The following RNF150 variants were observed in gnomAD, a reference collection of about 807,000 sequenced individuals.
RNF150 encodes ring finger protein 150.
A neutral mutation model predicts 39.3 loss-of-function variants in RNF150; 24 were observed. The ratio of observed to expected loss-of-function variants is 0.61; its 90% CI spans 0.44 to 0.86. RNF150 has a LOEUF of 0.86. RNF150 is among the 40% of genes least tolerant of loss of function. The pLI is 0.00. For synonymous variants in RNF150, 255 were observed against 227.3 expected, an observed-to-expected ratio of 1.12 and a Z score of -1.10; for missense variants, 502 against 587.8, an observed-to-expected ratio of 0.85 and a Z score of 1.51.
At chr4:141,004,844 A>G (rs146593783) in intron 1 of RNF150, among the ~76,000 whole-genome samples, 354 of 152,318 alleles carry the variant, frequency 2.3e-3, no homozygotes, top group African/African-American at 8.1e-3. Flanking sequence ...TCTACTCTGT[A>G]CATGTCTCCA....
chr4:140,924,219 T>C (rs1269668905), intron 5 of RNF150, among the ~76,000 whole-genome samples: 2 of 152,218 alleles, frequency 1.3e-5, no homozygotes, highest in African/African-American at 4.8e-5. Flanking sequence ...TTGTTAGGCA[T>C]CAAACCATGG....
intron 1 of RNF150, among the ~76,000 whole-genome samples, chr4:141,110,611 C>T (rs1401479302): frequency 2.1e-5 from 3 of 140,878 alleles, no homozygotes; most frequent in African/African-American, 3.1e-5. Context: ...AGGGGTCTTG[C>T]TATGTTGACC....
chr4:141,174,608 C>T (rs1212280802), intron 1 of RNF150, among the ~76,000 whole-genome samples: 3 of 152,180 alleles, frequency 2.0e-5, no homozygotes, highest in African/African-American at 7.2e-5. Context: ...CTAGAAAGTT[C>T]ATGAGCCTTA....
intron 4 of RNF150, among the ~76,000 whole-genome samples, chr4:140,946,577 C>T (rs1472744469): frequency 1.3e-5 from 2 of 152,114 alleles, no homozygotes; most frequent in African/African-American, 4.8e-5. Flanking sequence ...ACCTTGAACT[C>T]CTGGGCTCAA....
rs1375718684 is a variant in RNF150, at chr4:140,904,658, T to C, written c.1198+6486A>G. 2.0e-5 allele frequency among the ~76,000 whole-genome samples: 3 copies of C among 152,234 alleles called. No individual in the cohort carries two copies. The East Asian group carries it at 5.8e-4, about 29-fold the overall frequency. On this transcript the variant is annotated intron_variant, in intron 6 of 6. Transcript: ENST00000515673. ...CCTGGACATTGCTGTTTTGCAAATG[T>C]AGCAAAGTGTAGCTGCACATGTGAA...
chr4:140,970,355 T>C (rs1288243096), intron 1 of RNF150, among the ~76,000 whole-genome samples: 1 of 152,174 alleles, frequency 6.6e-6, no homozygotes, highest in African/African-American at 2.4e-5. Flanking sequence ...TTTGCACTTT[T>C]TGCTCTTGTT....
chr4:141,059,801 T>C (rs1044898625), intron 1 of RNF150, among the ~76,000 whole-genome samples: 6 of 152,120 alleles, frequency 3.9e-5, no homozygotes, highest in Non-Finnish European at 8.8e-5. Flanking sequence ...TAACAGTCTT[T>C]AGTGTTTATA....
chr4:140,991,909 TAAC>T (rs1734207817), intron 1 of RNF150, among the ~76,000 whole-genome samples: 1 of 152,144 alleles, frequency 6.6e-6, no homozygotes, highest in Non-Finnish European at 1.5e-5. Flanking sequence ...GTCCAAATCT[TAAC>T]AAGGTCACTC....
chr4:141,008,477 A>T (rs1366900202), intron 1 of RNF150, among the ~76,000 whole-genome samples: 1 of 152,130 alleles, frequency 6.6e-6, no homozygotes, highest in Non-Finnish European at 1.5e-5. Context: ...CCTATTTAGG[A>T]AATCTTTGTT....
At chr4:141,120,947 A>G (rs952702866) in intron 1 of RNF150, among the ~76,000 whole-genome samples, 15 of 151,944 alleles carry the variant, frequency 9.9e-5, no homozygotes, top group Admixed American at 6.6e-5. Context: ...AACACCAGCT[A>G]GAGGTGACAG....
chr4:140,968,753 G>A (rs527967643), intron 1 of RNF150, among the ~76,000 whole-genome samples: 6 of 151,870 alleles, frequency 4.0e-5, no homozygotes, highest in African/African-American at 1.4e-4. Flanking sequence ...TACGCATCAT[G>A]ACACTGTGTG....
intron 4 of RNF150, among the ~76,000 whole-genome samples, chr4:140,942,578 T>C (rs1732132167): frequency 6.6e-6 from 1 of 152,206 alleles, no homozygotes; most frequent in Non-Finnish European, 1.5e-5. Flanking sequence ...AAAATGGAAC[T>C]ATATGCGGTA....
chr4:141,158,288 C>CCAAAAA lies in RNF150; in HGVS notation c.-6+54500_-6+54505dup, dbSNP rs558636687. On this transcript the variant is annotated intron_variant, in intron 1 of 7. Transcript: ENST00000420921. ...CCTGAGTGACAGAGCAAAATTCCAT[C>CCAAAAA]CAAAAACAAAAACAAAAACAAAAAC... Among the ~76,000 whole-genome samples the CCAAAAA allele has an allele frequency of 1.2e-3, 183 of 152,052 alleles. 1 individual carries two copies. Among genetic ancestry groups the CCAAAAA allele is most frequent in the African/African-American group, 3.7e-3 (154 of 41,458 alleles).
chr4:141,017,090 G>A (rs1356586420), intron 1 of RNF150, among the ~76,000 whole-genome samples: 1 of 151,946 alleles, frequency 6.6e-6, no homozygotes, highest in African/African-American at 2.4e-5. Context: ...AAACTCTAAG[G>A]TACCAGAAGA....
At chr4:140,875,024 C>T (rs1729095038) in intron 6 of RNF150, among the ~76,000 whole-genome samples, 1 of 152,098 alleles carries the variant, frequency 6.6e-6, no homozygotes, top group African/African-American at 2.4e-5. Context: ...GAAAGTATTA[C>T]TATTTCCATT....
intron 1 of RNF150, among the ~76,000 whole-genome samples, chr4:141,181,072 G>A (rs1372987443): frequency 6.6e-6 from 1 of 152,098 alleles, no homozygotes; most frequent in Non-Finnish European, 1.5e-5. Context: ...CATGCTAGAG[G>A]TATTATCATA....
intron 6 of RNF150, among the ~76,000 whole-genome samples, chr4:140,877,500 G>T (rs751306850): frequency 6.6e-6 from 1 of 152,102 alleles, no homozygotes; most frequent in African/African-American, 2.4e-5. Context: ...ATCCATTTCT[G>T]CAACCGTATA....
At chr4:140,953,654 A>T (rs189632159) in intron 2 of RNF150, among the ~76,000 whole-genome samples, 1 of 152,318 alleles carries the variant, frequency 6.6e-6, no homozygotes, top group East Asian at 1.9e-4. Flanking sequence ...CCTAAGTGAC[A>T]TGAAAATTAC....
chr4:140,899,770 C>T (rs1730105478), intron 6 of RNF150, among the ~76,000 whole-genome samples: 1 of 152,072 alleles, frequency 6.6e-6, no homozygotes, highest in Non-Finnish European at 1.5e-5. Flanking sequence ...GGAGGAGAAT[C>T]TGGCTAAATC....
Sources: allele counts gnomAD v4.1 joint callset (sites outside exome capture counted in the v4.1 genomes callset), GRCh38; gene constraint gnomAD v4.1.1; transcripts MANE v1.5; gene names NCBI Gene and HGNC (gene_info 2026-07-23, HGNC 2026-07-21).